Variants in C21orf91 observed in about 807,000 individuals in gnomAD.
C21orf91 encodes the protein protein EURL homolog.
C21orf91 carries 26 observed loss-of-function variants against 32.9 expected under a neutral mutation model. That is an observed-to-expected ratio of 0.79 (90% CI 0.58 to 1.10). The LOEUF is 1.10. Ranked by LOEUF, C21orf91 falls within the 50% of genes least tolerant of loss-of-function variation. The probability of loss-of-function intolerance (pLI) is 0.00; values close to 1 mark genes in which losing one functional copy is unlikely to be tolerated. For synonymous variants in C21orf91, 126 were observed against 120.4 expected, an observed-to-expected ratio of 1.05 and a Z score of -0.31; for missense variants, 310 against 341.3, an observed-to-expected ratio of 0.91 and a Z score of 0.72.
intron 1 of C21orf91, 116 bp downstream of exon 1, chr21:17,819,187 G>C (rs934161398): frequency 6.6e-6 from 1 of 152,280 alleles, no homozygotes; most frequent in Non-Finnish European, 1.5e-5. Context: ...GTCCGTCGGG[G>C]CGCCTGGCGC....
At position 17,793,312 on chromosome 21, in the gene C21orf91, A is replaced by G; in HGVS notation, c.*103T>C. ...TACTGCCTTATGTTTGGCAAATTTA[A>G]TGACCATAAAAAAACGGACCACAAC... is the stretch of plus-strand genomic sequence containing the variant. On this transcript the variant is annotated 3_prime_UTR_variant, in exon 5 of 5. Coordinates refer to ENST00000284881, the MANE Select transcript of C21orf91 (RefSeq NM_001100420.2). 1 of 803,210 alleles carries G rather than the reference A, an allele frequency of 1.2e-6. No homozygotes were observed. The highest frequency in any genetic ancestry group is 1.9e-6 in the Non-Finnish European group (1 of 534,534). The allele number at this position is 803,210 out of a possible 1,614,324, so 49.8% of individuals were successfully genotyped here.
chr21:17,806,241 A>G (rs1430288209), intron 2 of C21orf91, among the ~76,000 whole-genome samples: 2 of 152,234 alleles, frequency 1.3e-5, no homozygotes, highest in Non-Finnish European at 2.9e-5. Flanking sequence ...GAACCTGCTT[A>G]CTGCCTAGAT....
chr21:17,819,199 C>G (rs1353494117), intron 1 of C21orf91, 104 bp downstream of exon 1: 1 of 152,310 alleles, frequency 6.6e-6, no homozygotes, highest in Admixed American at 6.5e-5. Flanking sequence ...GCCTGGCGCG[C>G]AGCAGCGCGA....
intron 2 of C21orf91, among the ~76,000 whole-genome samples, chr21:17,809,809 G>A (rs948130410): frequency 2.6e-5 from 4 of 152,084 alleles, no homozygotes; most frequent in African/African-American, 9.7e-5. Flanking sequence ...ATTTATTGAA[G>A]GAATATGTTT....
chr21:17,813,424 C>T lies in C21orf91; in HGVS notation c.127+4768G>A, dbSNP rs139872141. Among the ~76,000 whole-genome samples, 74 of 152,252 alleles carry T rather than the reference C, an allele frequency of 4.9e-4. 1 individual carries two copies. In the East Asian group the frequency reaches 0.013, roughly 27 times the overall value. ...TTAAACATAGACACTAATTCATCTA[C>T]GACTTAACCAAGATTACAGATTTTT... On this transcript the variant is annotated intron_variant, in intron 2 of 4. Coordinates refer to ENST00000284881, the MANE Select transcript of C21orf91 (RefSeq NM_001100420.2).
At chr21:17,804,638 C>A (rs1365755663) in intron 2 of C21orf91, among the ~76,000 whole-genome samples, 1 of 152,204 alleles carries the variant, frequency 6.6e-6, no homozygotes, top group Non-Finnish European at 1.5e-5. Context: ...AAAGATTTAT[C>A]AACAGGTGGC....
At position 17,789,284 on chromosome 21, in the gene C21orf91, C is replaced by T. The variant is rs2062453771; in HGVS notation, c.*4131G>A. The T allele has an allele frequency of 6.8e-6, 1 of 146,358 alleles. No homozygotes were observed. Among genetic ancestry groups the T allele is most frequent in the Non-Finnish European group, 1.5e-5 (1 of 66,306 alleles). The allele number at this position is 146,358 out of a possible 1,614,324, so 9.1% of individuals were successfully genotyped here. On this transcript the variant is annotated 3_prime_UTR_variant, in exon 5 of 5. Coordinates refer to ENST00000284881, the MANE Select transcript of C21orf91 (RefSeq NM_001100420.2). Reference sequence around the variant, plus strand: ...ACACACACACACACACACACACACACACAAAATGGAACTGAACAAAAGTCA... The same window carrying T: ...ACACACACACACACACACACACACATACAAAATGGAACTGAACAAAAGTCA...
intron 2 of C21orf91, among the ~76,000 whole-genome samples, chr21:17,804,698 C>T (rs928105765): frequency 1.3e-5 from 2 of 152,096 alleles, no homozygotes; most frequent in Admixed American, 1.3e-4. Flanking sequence ...TTTTAAAGTT[C>T]CTGTGTGTGC....
intron 2 of C21orf91, among the ~76,000 whole-genome samples, chr21:17,803,608 G>T (rs764954843): frequency 6.6e-6 from 1 of 152,112 alleles, no homozygotes; most frequent in Admixed American, 6.5e-5. Flanking sequence ...TTTTTGTGAT[G>T]ATCTTATCTT....
intron 2 of C21orf91, among the ~76,000 whole-genome samples, chr21:17,806,871 CA>C (rs1170122507): frequency 4.9e-5 from 7 of 142,802 alleles, no homozygotes; most frequent in Non-Finnish European, 4.6e-5. Flanking sequence ...GCACTCCATC[CA>C]AAAAAAAAAG....
intron 4 of C21orf91, 81 bp from the exon 5 acceptor site, chr21:17,793,662 A>G (rs533055974): frequency 2.2e-6 from 2 of 890,398 alleles, no homozygotes; most frequent in Non-Finnish European, 3.5e-6. Flanking sequence ...TCTAACTGAA[A>G]TCTATGCATT....
intron 2 of C21orf91, chr21:17,813,967 A>G (rs888459080): frequency 1.3e-5 from 2 of 152,230 alleles, no homozygotes; most frequent in Non-Finnish European, 2.9e-5. Context: ...TAATAAAATG[A>G]AGAAAGGAAA....
intron 1 of C21orf91, 123 bp downstream of exon 1, chr21:17,819,180 C>G (rs1415158855): frequency 6.6e-6 from 1 of 152,278 alleles, no homozygotes; most frequent in East Asian, 1.9e-4. Context: ...TCGGTCTGTC[C>G]GTCGGGGCGC....
At chr21:17,809,068 C>T (rs180806183) in intron 2 of C21orf91, 91 of 154,602 alleles carry the variant, frequency 5.9e-4, no homozygotes, top group African/African-American at 1.3e-3. Flanking sequence ...AAGTTTTCTG[C>T]GGCCTCCCCA....
Position 17,791,191 on chromosome 21 carries a change from C to A in C21orf91, c.*2224G>T, listed in dbSNP as rs546227299. 2.6e-5 allele frequency: 4 copies of A among 152,172 alleles called. No homozygotes were observed. In the South Asian group the frequency reaches 6.2e-4, roughly 24 times the overall value. The allele number at this position is 152,172 out of a possible 1,614,324, so 9.4% of individuals were successfully genotyped here. A position where few individuals can be genotyped will look rare whatever the true frequency, so the allele number is the denominator to read the frequency against. ...CCAAACATTTGGATAAACTGCTGTG[C>A]AAAATACTTCAACAAAAAGTTTTTT... On this transcript the variant is annotated 3_prime_UTR_variant, in exon 5 of 5. Transcript: ENST00000284881.
At chr21:17,803,536 T>G (rs553930549) in intron 2 of C21orf91, among the ~76,000 whole-genome samples, 9 of 152,106 alleles carry the variant, frequency 5.9e-5, no homozygotes, top group Non-Finnish European at 1.2e-4. Context: ...AAAAAAAAGT[T>G]TTTTATGGAG....
At position 17,789,411 on chromosome 21, in the gene C21orf91, C is replaced by T. The variant is rs552575117; in HGVS notation, c.*4004G>A. The T allele has an allele frequency of 6.6e-6, 1 of 152,062 alleles. No homozygotes were observed. The highest frequency in any genetic ancestry group is 1.5e-5 in the Non-Finnish European group (1 of 68,000). 9.4% of individuals were successfully genotyped at this position (152,062 alleles called of 1,614,324 possible). ...AAGGTACACACACTTACTAAAATTC[C>T]CCTTTGCTTTAGGTGTAGTTGAGGG... On this transcript the variant is annotated 3_prime_UTR_variant, in exon 5 of 5. Coordinates refer to ENST00000284881, the MANE Select transcript of C21orf91 (RefSeq NM_001100420.2).
Position 17,795,521 on chromosome 21 carries a change from T to C in C21orf91, c.665-251A>G, listed in dbSNP as rs575263418. On this transcript the variant is annotated intron_variant, in intron 3 of 4. Transcript: ENST00000284881. The stretch of plus-strand genomic sequence containing the variant: ...ACAGGGTCTCACTTTGTCACCCAGG[T>C]GGCAGTGCAGTGGTGCGATCAATGG... 2.6e-5 allele frequency among the ~76,000 whole-genome samples: 4 copies of C among 152,336 alleles called. No individual in the cohort carries two copies. In the South Asian group the frequency reaches 8.3e-4, roughly 32 times the overall value.
chr21:17,799,362 T>A (rs1378179833), intron 2 of C21orf91, among the ~76,000 whole-genome samples: 1 of 152,162 alleles, frequency 6.6e-6, no homozygotes, highest in African/African-American at 2.4e-5. Context: ...CTCACCTTAC[T>A]GAACACTTAA....
Sources: allele counts gnomAD v4.1 joint callset (sites outside exome capture counted in the v4.1 genomes callset), GRCh38; gene constraint gnomAD v4.1.1; transcripts MANE v1.5; gene names NCBI Gene and HGNC (gene_info 2026-07-23, HGNC 2026-07-21).